RASGRF2: variants seen among roughly 807,000 people sequenced by gnomAD.
RASGRF2 encodes the protein Ras protein specific guanine nucleotide releasing factor 2.
A neutral mutation model predicts 151.0 loss-of-function variants in RASGRF2; 76 were observed. The ratio of observed to expected loss-of-function variants is 0.50; its 90% CI spans 0.42 to 0.61. RASGRF2 has a LOEUF of 0.61. Ranked by LOEUF, RASGRF2 falls within the 20% of genes least tolerant of loss-of-function variation. The pLI, the probability that RASGRF2 is intolerant of heterozygous loss-of-function variation, is 0.00. For missense variants in RASGRF2, 1,148 were observed against 1,564.6 expected (o/e 0.73, Z 4.49); for synonymous variants, 504 against 566.5 (o/e 0.89, Z 1.57).
At chr5:81,206,391 T>C (rs182595180) in intron 19 of RASGRF2, among the ~76,000 whole-genome samples, 48 of 152,234 alleles carry the variant, frequency 3.2e-4, no homozygotes, top group African/African-American at 1.2e-3. Flanking sequence ...CTACGTAAGC[T>C]TGAGAAAGGG....
chr5:80,981,588 C>G (rs797021682), intron 1 of RASGRF2, among the ~76,000 whole-genome samples: 1 of 151,916 alleles, frequency 6.6e-6, no homozygotes, highest in East Asian at 1.9e-4. Flanking sequence ...TTTTTTGAGA[C>G]AGAGTCTCAC....
rs779567195 is a variant in RASGRF2, at chr5:81,207,364, C to A, written c.3071+15C>A. The A allele has an allele frequency of 6.2e-7, 1 of 1,604,798 alleles. No individual in the cohort carries two copies. On this transcript the variant is annotated intron_variant, in intron 21 of 26. Coordinates refer to ENST00000265080, the MANE Select transcript of RASGRF2 (RefSeq NM_006909.3). ...ATTCCCTACGAGTGAGTGCCACCCC[C>A]CACAGCAGCAGGGCTCGGCTGCTCT... is the stretch of plus-strand genomic sequence containing the variant.
intron 17 of RASGRF2, among the ~76,000 whole-genome samples, chr5:81,178,486 A>G (rs1439623976): frequency 6.6e-6 from 1 of 152,250 alleles, no homozygotes; most frequent in African/African-American, 2.4e-5. Flanking sequence ...GATATTGCGT[A>G]TATGGATCTG....
chr5:81,114,181 T>C (rs1327024548), intron 15 of RASGRF2, among the ~76,000 whole-genome samples: 1 of 152,238 alleles, frequency 6.6e-6, no homozygotes, highest in Non-Finnish European at 1.5e-5. Flanking sequence ...GAGAATAGCA[T>C]ATCTGAATGG....
chr5:81,012,194 A>C (rs1439592750), intron 1 of RASGRF2, among the ~76,000 whole-genome samples: 2 of 151,898 alleles, frequency 1.3e-5, no homozygotes, highest in African/African-American at 4.8e-5. Flanking sequence ...TTGCCTTTAT[A>C]CTCTCTGTCT....
intron 5 of RASGRF2, among the ~76,000 whole-genome samples, chr5:81,073,749 G>A (rs1170772663): frequency 6.6e-6 from 1 of 152,038 alleles, no homozygotes; most frequent in East Asian, 1.9e-4. Flanking sequence ...CTCCCAAGTA[G>A]CTGGGACTAC....
At chr5:81,182,275 G>A (rs1754933007) in intron 18 of RASGRF2, among the ~76,000 whole-genome samples, 1 of 152,102 alleles carries the variant, frequency 6.6e-6, no homozygotes, top group African/African-American at 2.4e-5. Flanking sequence ...TGGCTATTTC[G>A]TTCACTGATG....
At chr5:81,195,663 CG>C (rs955552749) in intron 18 of RASGRF2, among the ~76,000 whole-genome samples, 1 of 151,814 alleles carries the variant, frequency 6.6e-6, no homozygotes, top group African/African-American at 2.4e-5. Context: ...CAGCATCACC[CG>C]GGAGCTTGTT....
At chr5:80,979,990 A>G (rs942000823) in intron 1 of RASGRF2, among the ~76,000 whole-genome samples, 4 of 152,212 alleles carry the variant, frequency 2.6e-5, no homozygotes, top group South Asian at 2.1e-4. Context: ...GATTCTTTAT[A>G]CAGCTACAGC....
chr5:81,104,372 G>T (rs189991397), intron 12 of RASGRF2, among the ~76,000 whole-genome samples: 1 of 151,732 alleles, frequency 6.6e-6, no homozygotes, highest in African/African-American at 2.4e-5. Flanking sequence ...TCCTATATTC[G>T]TGAAGAGAGA....
At chr5:81,182,516 T>C (rs892970989) in intron 18 of RASGRF2, among the ~76,000 whole-genome samples, 1 of 152,212 alleles carries the variant, frequency 6.6e-6, no homozygotes. Context: ...TTTTGCTGGC[T>C]TTAGTGTCCA....
intron 2 of RASGRF2, among the ~76,000 whole-genome samples, chr5:81,055,399 C>T (rs1049845113): frequency 1.3e-5 from 2 of 152,042 alleles, no homozygotes; most frequent in Admixed American, 6.5e-5. Context: ...TGGTTTTTAT[C>T]GTTGGTTCTG....
chr5:81,117,386 C>G (rs970066801), intron 15 of RASGRF2, among the ~76,000 whole-genome samples: 6 of 152,120 alleles, frequency 3.9e-5, no homozygotes, highest in Non-Finnish European at 8.8e-5. Context: ...TGGAAGGCAA[C>G]ACATAGACGT....
chr5:81,140,880 T>C (rs1039247857), intron 17 of RASGRF2, among the ~76,000 whole-genome samples: 9 of 152,022 alleles, frequency 5.9e-5, no homozygotes, highest in African/African-American at 2.2e-4. Flanking sequence ...GTAACCTAAG[T>C]AGGGATGGAG....
chr5:81,177,694 A>G (rs1754807454), intron 17 of RASGRF2, among the ~76,000 whole-genome samples: 1 of 151,866 alleles, frequency 6.6e-6, no homozygotes, highest in African/African-American at 2.4e-5. Context: ...GCTAAGTACC[A>G]TAAAGTAGAT....
chr5:81,006,121 T>C (rs1749260895), intron 1 of RASGRF2, among the ~76,000 whole-genome samples: 1 of 152,236 alleles, frequency 6.6e-6, no homozygotes, highest in South Asian at 2.1e-4. Flanking sequence ...GTGTTTTTAA[T>C]AAAAATAAAT....
Position 81,068,012 on chromosome 5 carries a change from C to T in RASGRF2, c.396-20C>T, listed in dbSNP as rs766282209. On this transcript the variant is annotated intron_variant, in intron 2 of 26. Coordinates refer to ENST00000265080, the MANE Select transcript of RASGRF2 (RefSeq NM_006909.3). ...AGTAGAACAATATCTCAATGACTAACTGTGTAATTTTCTCTCAAGTTATGC... is the reference window on the plus strand; with the variant it reads ...AGTAGAACAATATCTCAATGACTAATTGTGTAATTTTCTCTCAAGTTATGC... 1.3e-6 allele frequency: 2 copies of T among 1,578,320 alleles called. No homozygotes were observed. Among genetic ancestry groups the T allele is most frequent in the East Asian group, 2.2e-5 (1 of 44,484 alleles).
intron 19 of RASGRF2, among the ~76,000 whole-genome samples, chr5:81,206,376 C>T (rs953692127): frequency 4.6e-5 from 7 of 152,158 alleles, no homozygotes; most frequent in Non-Finnish European, 1.5e-5. Flanking sequence ...CCCTGTGCTT[C>T]TGGTCTACGT....
rs1554092448 is a variant in RASGRF2 at position 81,080,119 on chromosome 5, A to T, written c.888-2A>T. 1 of 1,592,470 alleles carries T rather than the reference A, an allele frequency of 6.3e-7. No individual in the cohort carries two copies. Among genetic ancestry groups the T allele is most frequent in the South Asian group, 1.2e-5 (1 of 85,694 alleles). ...ATTATATTATTTTTCCTTTTTTTAT[A>T]GTGAAACAATCATGTTTCTTCATGA... On this transcript the variant is annotated splice_acceptor_variant, in intron 5 of 26. Coordinates refer to ENST00000265080, the MANE Select transcript of RASGRF2 (RefSeq NM_006909.3). LOFTEE classifies it high-confidence loss of function.
Sources: allele counts gnomAD v4.1 joint callset (sites outside exome capture counted in the v4.1 genomes callset), GRCh38; gene constraint gnomAD v4.1.1; transcripts MANE v1.5; gene names NCBI Gene and HGNC (gene_info 2026-07-23, HGNC 2026-07-21).